Variants in SAMD5 observed in about 807,000 individuals in gnomAD.
SAMD5 encodes sterile alpha motif domain containing 5, also known as sterile alpha motif domain-containing protein 5.
A neutral mutation model predicts 11.3 loss-of-function variants in SAMD5; 13 were observed. The ratio of observed to expected loss-of-function variants is 1.15; its 90% confidence interval spans 0.75 to 1.83. SAMD5 has a LOEUF of 1.83. SAMD5 is among the 40% of genes most tolerant of loss of function. The pLI is 0.00. For synonymous variants in SAMD5, 129 were observed against 111.3 expected, an observed-to-expected ratio of 1.16 and a Z score of -1.00; for missense variants, 255 against 239.1, an observed-to-expected ratio of 1.07 and a Z score of -0.44.
chr6:147,834,754 G>A, the SAMD5 span, among the ~76,000 whole-genome samples: 2 of 152,148 alleles, frequency 1.3e-5, no homozygotes, highest in Non-Finnish European at 2.9e-5. Context: ...TTGAACACTT[G>A]CACTATCTCA....
the SAMD5 span, among the ~76,000 whole-genome samples, chr6:147,818,540 G>A: frequency 6.6e-6 from 1 of 152,180 alleles, no homozygotes; most frequent in African/African-American, 2.4e-5. Context: ...AAGAGGTTTG[G>A]TAGTGAACTA....
rs186331862 is a variant in SAMD5, at chr6:147,554,214, C to T, written c.460-10180C>T. ...ACTCACTATCATGAGAACAACAGTACGGGGGTAACCACCTCTATGATTCAA... is the reference window on the plus strand; with the variant it reads ...ACTCACTATCATGAGAACAACAGTATGGGGGTAACCACCTCTATGATTCAA... On this transcript the variant is annotated intron_variant, in intron 1 of 1. Transcript: ENST00000367474. 4.4e-3 allele frequency among the ~76,000 whole-genome samples: 671 copies of T among 152,256 alleles called. 3 individuals are homozygous for T. The highest frequency in any genetic ancestry group is 0.015 in the African/African-American group (626 of 41,542).
the SAMD5 span, among the ~76,000 whole-genome samples, chr6:147,793,431 ATCCTGGAACAG>A: frequency 6.6e-6 from 1 of 152,188 alleles, no homozygotes. Context: ...ATTGGATGGA[ATCCTGGAACAG>A]CAAAAGGACA....
intron 1 of SAMD5, among the ~76,000 whole-genome samples, chr6:147,595,371 T>C (rs915812436): frequency 1.4e-4 from 22 of 152,140 alleles, no homozygotes; most frequent in Non-Finnish European, 2.9e-4. Flanking sequence ...TAGAATAACT[T>C]TCCCAACAGT....
chr6:147,802,595 A>G, the SAMD5 span, among the ~76,000 whole-genome samples: 1 of 150,760 alleles, frequency 6.6e-6, no homozygotes, highest in Non-Finnish European at 1.5e-5. Flanking sequence ...TTCACAGAAG[A>G]TTTGTGCAAG....
chr6:147,651,258 C>T (rs1042257391), intron 1 of SAMD5, among the ~76,000 whole-genome samples: 2 of 152,164 alleles, frequency 1.3e-5, no homozygotes, highest in African/African-American at 2.4e-5. Flanking sequence ...CGGTCCAGCT[C>T]GCATTGTAGG....
chr6:147,658,854 T>C (rs1019126546), intron 1 of SAMD5, among the ~76,000 whole-genome samples: 4 of 152,224 alleles, frequency 2.6e-5, no homozygotes, highest in Non-Finnish European at 4.4e-5. Context: ...TGGGGACACA[T>C]TGTGCTAAAC....
chr6:147,946,988 T>A, the SAMD5 span, among the ~76,000 whole-genome samples: 1 of 152,202 alleles, frequency 6.6e-6, no homozygotes, highest in African/African-American at 2.4e-5. Flanking sequence ...TGAATGTTAT[T>A]CCACAAACCA....
intron 1 of SAMD5, among the ~76,000 whole-genome samples, chr6:147,559,417 G>A (rs1342868239): frequency 6.6e-6 from 1 of 152,148 alleles, no homozygotes; most frequent in East Asian, 1.9e-4. Context: ...TGAAGAAAAA[G>A]CAGTAGGAAA....
the SAMD5 span, among the ~76,000 whole-genome samples, chr6:147,898,551 A>G: frequency 6.6e-6 from 1 of 152,064 alleles, no homozygotes; most frequent in Non-Finnish European, 1.5e-5. Flanking sequence ...TGTTATGTTC[A>G]GTTCTTTATC....
Position 147,670,631 on chromosome 6 carries a change from A to G in SAMD5, c.163-66686A>G, listed in dbSNP as rs189061694. ...TGTTGGTGATGGCTTCTTTTCTTAA[A>G]CTTCATGAACCAACATTTCCTAGCT... On this transcript the variant is annotated intron_variant, in intron 1 of 1. Transcript: ENST00000566741. Among the ~76,000 whole-genome samples, 1,054 of 152,270 alleles carry G rather than the reference A, an allele frequency of 6.9e-3. 19 individuals are homozygous for G. Among genetic ancestry groups the G allele is most frequent in the Non-Finnish European group, 7.2e-3 (493 of 68,016 alleles).
chr6:147,648,087 G>T (rs1440541464), intron 1 of SAMD5, among the ~76,000 whole-genome samples: 1 of 152,190 alleles, frequency 6.6e-6, no homozygotes, highest in Non-Finnish European at 1.5e-5. Context: ...TATAGAAGCA[G>T]ATTTGTGAAA....
chr6:147,565,129 T>C lies in SAMD5; in HGVS notation c.*673T>C, dbSNP rs189975257. ...TTTTTAAATTTAATCTGGCTGAGGT[T>C]TAGTATTAGGACTAATACAAGTGTC... On this transcript the variant is annotated 3_prime_UTR_variant, in exon 2 of 2. Transcript: ENST00000367474. 1.0e-6 allele frequency: 1 copy of C among 983,186 alleles called. No individual in the cohort carries two copies. Among genetic ancestry groups the C allele is most frequent in the East Asian group, 1.1e-4 (1 of 8,808 alleles). The allele number at this position is 983,186 out of a possible 1,614,324, so 60.9% of individuals were successfully genotyped here.
the SAMD5 span, among the ~76,000 whole-genome samples, chr6:147,950,119 G>A: frequency 6.6e-6 from 1 of 152,154 alleles, no homozygotes; most frequent in Admixed American, 6.5e-5. Context: ...GAGAAGGGAA[G>A]GCATTGAAAT....
intron 1 of SAMD5, among the ~76,000 whole-genome samples, chr6:147,515,264 G>A (rs1788150348): frequency 1.5e-5 from 2 of 131,462 alleles, no homozygotes; most frequent in African/African-American, 5.6e-5. Context: ...AAGGAGACAA[G>A]AGCTTTGATG....
At chr6:147,595,078 T>C (rs1789509538) in intron 1 of SAMD5, among the ~76,000 whole-genome samples, 1 of 152,224 alleles carries the variant, frequency 6.6e-6, no homozygotes, top group African/African-American at 2.4e-5. Flanking sequence ...ATAAGTTTCA[T>C]ATACTATCTT....
intron 1 of SAMD5, among the ~76,000 whole-genome samples, chr6:147,631,541 G>C (rs1790152549): frequency 6.6e-6 from 1 of 152,136 alleles, no homozygotes; most frequent in Admixed American, 6.6e-5. Context: ...CTGCTTGGGT[G>C]ATTTGACTAG....
At chr6:147,595,566 AC>A (rs1789517105) in intron 1 of SAMD5, among the ~76,000 whole-genome samples, 1 of 122,906 alleles carries the variant, frequency 8.1e-6, no homozygotes, top group Non-Finnish European at 1.6e-5. Context: ...TTGCTCTGTC[AC>A]CCAGGCTGGA....
chr6:147,641,212 G>A (rs552453066), intron 1 of SAMD5, among the ~76,000 whole-genome samples: 2 of 152,246 alleles, frequency 1.3e-5, no homozygotes, highest in African/African-American at 4.8e-5. Context: ...TAAGATATCT[G>A]ATTCAAATAT....
Sources: gnomAD v4.1 joint callset for allele counts (sites outside exome capture counted in the v4.1 genomes callset) on GRCh38, gnomAD v4.1.1 for gene constraint, MANE v1.5 for transcripts, NCBI Gene and HGNC (gene_info 2026-07-23, HGNC 2026-07-21) for gene names.